RPS6KA2: variants seen among roughly 807,000 people sequenced by gnomAD.
RPS6KA2 encodes the protein ribosomal protein S6 kinase alpha-2.
A neutral mutation model predicts 91.8 loss-of-function variants in RPS6KA2; 42 were observed. The observed-to-expected ratio is 0.46, with a 90% CI of 0.36 to 0.59. The LOEUF (loss-of-function observed/expected upper bound fraction) is 0.59. Ranked by LOEUF, RPS6KA2 falls within the 20% of genes least tolerant of loss-of-function variation. RPS6KA2 has a pLI of 0.00. For missense variants in RPS6KA2, 798 were observed against 978.5 expected (o/e 0.82, Z 2.46); for synonymous variants, 414 against 393.6 (o/e 1.05, Z -0.61).
chr6:166,449,385 C>T (rs1336115309), intron 13 of RPS6KA2, among the ~76,000 whole-genome samples: 1 of 151,944 alleles, frequency 6.6e-6, no homozygotes, highest in Non-Finnish European at 1.5e-5. Flanking sequence ...TCTCCAAAGG[C>T]CAGGGAAGGA....
intron 11 of RPS6KA2, among the ~76,000 whole-genome samples, chr6:166,464,716 C>T (rs1780457537): frequency 6.6e-6 from 1 of 152,224 alleles, no homozygotes; most frequent in African/African-American, 2.4e-5. Context: ...GAAAAACCAA[C>T]ACAGCTTCTA....
At chr6:166,783,742 AC>A (rs756795403) in intron 2 of RPS6KA2, among the ~76,000 whole-genome samples, 5 of 145,628 alleles carry the variant, frequency 3.4e-5, no homozygotes, top group Admixed American at 6.7e-5. Context: ...ACGCGTGGAC[AC>A]CTATCTAAAA....
intron 1 of RPS6KA2, among the ~76,000 whole-genome samples, chr6:166,550,165 C>G (rs1165555296): frequency 6.6e-6 from 1 of 152,116 alleles, no homozygotes; most frequent in African/African-American, 2.4e-5. Context: ...TTAATTTTCT[C>G]CCCTTTGTTT....
rs1178759427 is a variant in RPS6KA2, at chr6:166,493,842, CAAGG to C, written c.748-3105_748-3102del. Among the ~76,000 whole-genome samples, 1 of 152,174 alleles carries C rather than the reference CAAGG, an allele frequency of 6.6e-6. No homozygotes were observed. Among genetic ancestry groups the C allele is most frequent in the Non-Finnish European group, 1.5e-5 (1 of 68,020 alleles). On this transcript the variant is annotated intron_variant, in intron 8 of 20. Coordinates refer to ENST00000265678, the MANE Select transcript of RPS6KA2 (RefSeq NM_021135.6). This position sits in a 1 kb window ranked among gnomAD's most constrained non-coding sequence, Gnocchi z 4.7. Reference sequence around the variant, plus strand: ...CTATGACACACAGGGCGCCCCACAACAAGGAAGTGTCCAGTCCCGACCTCAACAG... The same window carrying C: ...CTATGACACACAGGGCGCCCCACAACAAGTGTCCAGTCCCGACCTCAACAG...
Position 166,665,341 on chromosome 6 carries a change from GA to G in RPS6KA2, c.124-126558del, listed in dbSNP as rs1258618682. ...TAAGAATACTAATGAAGGATGAACT[GA>G]GTCTCTCTGCAGCTGCCTCTGGGCT... On this transcript the variant is annotated intron_variant, in intron 2 of 21. Coordinates refer to the RPS6KA2 transcript ENST00000503859. This position sits in a 1 kb window ranked among gnomAD's most constrained non-coding sequence, Gnocchi z 4.5. 2.0e-4 allele frequency among the ~76,000 whole-genome samples: 31 copies of G among 152,156 alleles called. No individual in the cohort carries two copies. The highest frequency in any genetic ancestry group is 4.1e-4 in the Non-Finnish European group (28 of 68,030).
intron 2 of RPS6KA2, among the ~76,000 whole-genome samples, chr6:166,806,620 A>G (rs1194890508): frequency 6.6e-6 from 1 of 152,226 alleles, no homozygotes; most frequent in East Asian, 1.9e-4. Flanking sequence ...CTGACCTTCA[A>G]GAAATGTTAA....
rs191960104 is a variant in RPS6KA2, at chr6:166,725,836, G to A, written c.123+132364C>T. Among the ~76,000 whole-genome samples, 707 of 152,334 alleles carry A rather than the reference G, an allele frequency of 4.6e-3. 10 individuals carry two copies. The highest frequency in any genetic ancestry group is 0.016 in the African/African-American group (676 of 41,560). ...GCCGGGCAGGGAGGCTCCTGGCGGC[G>A]CAGGCCCAGAGGGAAAGCAGTGTCA... is the stretch of plus-strand genomic sequence containing the variant. On this transcript the variant is annotated intron_variant, in intron 2 of 21. Transcript: ENST00000503859.
chr6:166,773,851 C>T (rs1296587168), intron 2 of RPS6KA2, among the ~76,000 whole-genome samples: 1 of 152,194 alleles, frequency 6.6e-6, no homozygotes, highest in Non-Finnish European at 1.5e-5. Flanking sequence ...ACATAAAACG[C>T]TTTGTGCAAA....
chr6:166,490,567 G>T lies in RPS6KA2; in HGVS notation c.818+104C>A. On this transcript the variant is annotated intron_variant, in intron 9 of 20. Transcript: ENST00000265678. The surrounding 1 kb of genome is among the most constrained non-coding windows in gnomAD (Gnocchi z 4.2). ...AGCTTACAATACTTTGGCACTGTAA[G>T]CCTAGCAATGTAATTAAAACTTCAC... The T allele has an allele frequency of 1.2e-6, 1 of 809,840 alleles. No individual in the cohort carries two copies. The highest frequency in any genetic ancestry group is 2.1e-6 in the Non-Finnish European group (1 of 479,662). The allele number at this position is 809,840 out of a possible 1,614,324, so 50.2% of individuals were successfully genotyped here.
chr6:166,702,005 T>C, intron 2 of RPS6KA2: 1 of 1,017,104 alleles, frequency 9.8e-7, no homozygotes, highest in Non-Finnish European at 1.6e-6. Flanking sequence ...GGGGATCTCT[T>C]CTGTGAATTT....
At chr6:166,809,552 C>T (rs765926921) in intron 2 of RPS6KA2, among the ~76,000 whole-genome samples, 15 of 152,056 alleles carry the variant, frequency 9.9e-5, no homozygotes, top group Non-Finnish European at 1.9e-4. Flanking sequence ...AGGTGAGTCT[C>T]AGAAGAGAAA....
At chr6:166,663,367 ATAGTGCTCTGCAGCCCAC>A (rs1788215777) in intron 2 of RPS6KA2, among the ~76,000 whole-genome samples, 1 of 152,160 alleles carries the variant, frequency 6.6e-6, no homozygotes, top group Non-Finnish European at 1.5e-5. Context: ...CGTGAATCTC[ATAGTGCTCTGCAGCCCAC>A]CCCAGCCCCC....
chr6:166,541,746 C>T (rs753173176), intron 1 of RPS6KA2, among the ~76,000 whole-genome samples: 52 of 152,186 alleles, frequency 3.4e-4, no homozygotes, highest in Non-Finnish European at 7.1e-4. Flanking sequence ...CGTTTCGAAT[C>T]AAAGCCTTCG....
intron 1 of RPS6KA2, among the ~76,000 whole-genome samples, chr6:166,574,015 G>A (rs542534407): frequency 2.6e-5 from 4 of 152,136 alleles, no homozygotes; most frequent in East Asian, 1.9e-4. Flanking sequence ...ATCTCTACGC[G>A]GTCCACTCAA....
In RPS6KA2 at chr6:166,709,758, G is replaced by A. The variant is rs9459724; in HGVS notation, c.123+148442C>T. Among the ~76,000 whole-genome samples the A allele has an allele frequency of 4.4e-3, 674 of 152,288 alleles. 4 individuals are homozygous for A. The highest frequency in any genetic ancestry group is 0.016 in the African/African-American group (648 of 41,554). ...AGACATCCCCTGGATTTATAGGTGC[G>A]TAAGTGTCCCTTCTCGTCACCAGGA... On this transcript the variant is annotated intron_variant, in intron 2 of 21. Coordinates refer to the RPS6KA2 transcript ENST00000503859.
At chr6:166,654,196 A>G (rs2128555116) in intron 2 of RPS6KA2, among the ~76,000 whole-genome samples, 1 of 152,354 alleles carries the variant, frequency 6.6e-6, no homozygotes, top group African/African-American at 2.4e-5. Context: ...TGAAAAGAAA[A>G]GGTTTAGAAT....
intron 1 of RPS6KA2, among the ~76,000 whole-genome samples, chr6:166,550,727 G>A (rs1037019368): frequency 6.6e-6 from 1 of 152,134 alleles, no homozygotes; most frequent in Non-Finnish European, 1.5e-5. Context: ...TTAGGGTTGG[G>A]CGCGATGGCT....
intron 2 of RPS6KA2, among the ~76,000 whole-genome samples, chr6:166,705,871 G>A (rs908624192): frequency 5.3e-5 from 8 of 152,198 alleles, no homozygotes; most frequent in African/African-American, 1.4e-4. Flanking sequence ...TCCCAAGTGT[G>A]ATGGTATTTG....
chr6:166,855,339 GAAGACGAAGAAGACA>G (rs1413726055), intron 2 of RPS6KA2, among the ~76,000 whole-genome samples: 1 of 58,870 alleles, frequency 1.7e-5, no homozygotes, highest in East Asian at 3.4e-4. Context: ...AAAAGACGAA[GAAGACGAAGAAGACA>G]AAGATGAAGA....
Sources: allele counts gnomAD v4.1 joint callset (sites outside exome capture counted in the v4.1 genomes callset), GRCh38; gene constraint gnomAD v4.1.1; non-coding constraint Gnocchi (gnomAD v3.1); transcripts MANE v1.5; gene names NCBI Gene and HGNC (gene_info 2026-07-23, HGNC 2026-07-21).